Variants in DENND6B observed in about 807,000 individuals in gnomAD.
DENND6B encodes DENN domain containing 6B.
DENND6B carries 73 observed loss-of-function variants against 85.1 expected under a neutral mutation model. The ratio of observed to expected loss-of-function variants is 0.86; its 90% CI spans 0.71 to 1.04. DENND6B has a LOEUF of 1.04. DENND6B is among the 50% of genes least tolerant of loss of function. DENND6B has a pLI of 0.00. For missense variants in DENND6B, 715 were observed against 785.8 expected, an observed-to-expected ratio of 0.91 and a Z score of 1.08; for synonymous variants, 357 against 329.3, an observed-to-expected ratio of 1.08 and a Z score of -0.91.
At chr22:50,316,683 G>A (rs2041830875) in intron 5 of DENND6B, 1 of 1,488,194 alleles carries the variant, frequency 6.7e-7, no homozygotes, top group Non-Finnish European at 9.0e-7. Flanking sequence ...AACTCCCTGG[G>A]TGGCGGCCGG....
At chr22:50,316,711 G>A (rs1024800254) in intron 5 of DENND6B, 4 of 1,458,374 alleles carry the variant, frequency 2.7e-6, no homozygotes, top group African/African-American at 2.8e-5. Context: ...GGACCCTAGG[G>A]CCTTCGGAGG....
intron 1 of DENND6B, chr22:50,319,276 C>T (rs1374759075): frequency 3.0e-6 from 3 of 985,294 alleles, no homozygotes; most frequent in African/African-American, 1.7e-5. Flanking sequence ...TGACCCGCTC[C>T]TATCTCTGAC....
intron 2 of DENND6B, 38 bp from the exon 3 acceptor site, chr22:50,318,927 C>T: frequency 2.5e-6 from 4 of 1,610,592 alleles, no homozygotes; most frequent in Non-Finnish European, 3.4e-6. Flanking sequence ...CCGACCCACT[C>T]CTGGGTCCTG....
intron 1 of DENND6B, among the ~76,000 whole-genome samples, chr22:50,324,841 A>G (rs1022041558): frequency 7.2e-5 from 11 of 152,162 alleles, no homozygotes; most frequent in African/African-American, 1.7e-4. Flanking sequence ...TCTTCTCAGC[A>G]TCCAAGACTT....
At chr22:50,321,201 C>G (rs1422140540) in intron 1 of DENND6B, among the ~76,000 whole-genome samples, 1 of 152,092 alleles carries the variant, frequency 6.6e-6, no homozygotes, top group African/African-American at 2.4e-5. Context: ...ACCCTGGGAT[C>G]CCGGGGGTCA....
chr22:50,317,384 C>T lies in DENND6B; in HGVS notation c.373-11G>A. The T allele has an allele frequency of 2.5e-6, 4 of 1,612,658 alleles. No individual in the cohort carries two copies. The highest frequency in any genetic ancestry group is 2.5e-6 in the Non-Finnish European group (3 of 1,179,618). On this transcript the variant is annotated splice_polypyrimidine_tract_variant and intron_variant, in intron 4 of 19. Transcript: ENST00000413817. ...GTGTGCCGGCTCCCTCTGCAAGGAG[C>T]ATGGTGTTAGCCAGCCACGCCCCAC...
chr22:50,315,325 G>A (rs916762133), intron 9 of DENND6B, among the ~76,000 whole-genome samples: 1 of 152,190 alleles, frequency 6.6e-6, no homozygotes, highest in Non-Finnish European at 1.5e-5. Flanking sequence ...CAAAGCCCAG[G>A]CTCCCTTGCA....
intron 3 of DENND6B, 25 bp downstream of exon 3, chr22:50,318,821 GC>G (rs1569204920): frequency 6.2e-7 from 1 of 1,612,264 alleles, no homozygotes; most frequent in Non-Finnish European, 8.5e-7. Context: ...TTCATGTCCA[GC>G]CCCAGGAAAG....
At chr22:50,322,036 T>C (rs976888047) in intron 1 of DENND6B, among the ~76,000 whole-genome samples, 4 of 122,970 alleles carry the variant, frequency 3.3e-5, no homozygotes, top group East Asian at 2.5e-4. Flanking sequence ...TTGATAGATA[T>C]AACCAATATT....
At chr22:50,326,005 T>C (rs1327965432) in intron 1 of DENND6B, among the ~76,000 whole-genome samples, 1 of 152,246 alleles carries the variant, frequency 6.6e-6, no homozygotes, top group Non-Finnish European at 1.5e-5. Context: ...CGAGGTTCCT[T>C]GCGCCAGCGC....
At chr22:50,325,395 T>A (rs570536549) in intron 1 of DENND6B, among the ~76,000 whole-genome samples, 1 of 144,058 alleles carries the variant, frequency 6.9e-6, no homozygotes. Context: ...TGGAGCGCAA[T>A]GGTGCAATCT....
Position 50,311,804 on chromosome 22 carries a change from G to T in DENND6B, c.*335C>A, listed in dbSNP as rs1202742252. 4 of 372,504 alleles carry T rather than the reference G, an allele frequency of 1.1e-5. No homozygotes were observed. The highest frequency in any genetic ancestry group is 2.0e-5 in the Non-Finnish European group (4 of 198,910). 23.1% of individuals were successfully genotyped at this position (372,504 alleles called of 1,614,324 possible). A position where few individuals can be genotyped will look rare whatever the true frequency, so the allele number is the denominator to read the frequency against. ...AGCGCAGGGGGGTCGGGGGCCAACA[G>T]ATGGGCACCGGGAGGGGCAGACGGT... On this transcript the variant is annotated 3_prime_UTR_variant, in exon 20 of 20. Coordinates refer to ENST00000413817, the MANE Select transcript of DENND6B (RefSeq NM_001001794.4).
At chr22:50,321,729 C>A (rs749230731) in intron 1 of DENND6B, among the ~76,000 whole-genome samples, 1 of 151,988 alleles carries the variant, frequency 6.6e-6, no homozygotes, top group African/African-American at 2.4e-5. Flanking sequence ...TGCAGTGGTG[C>A]GAACACAGCT....
At chr22:50,320,064 C>T (rs947017274) in intron 1 of DENND6B, among the ~76,000 whole-genome samples, 1 of 152,188 alleles carries the variant, frequency 6.6e-6, no homozygotes, top group Admixed American at 6.5e-5. Flanking sequence ...TCCTGGGCTG[C>T]CTGAAGCCTG....
intron 1 of DENND6B, chr22:50,319,272 G>A (rs976651473): frequency 7.1e-6 from 7 of 985,124 alleles, no homozygotes; most frequent in African/African-American, 3.5e-5. Flanking sequence ...TTGCTGACCC[G>A]CTCCTATCTC....
rs371364338 is a variant in DENND6B at position 50,314,653 on chromosome 22, G to C, written c.929C>G (p.Thr310Ser). Residue 310 changes from threonine (T) to serine (S), a missense_variant, in exon 11 of 20, where the codon ACC (threonine) becomes AGC (serine). Coordinates refer to ENST00000413817, the MANE Select transcript of DENND6B (RefSeq NM_001001794.4). ...RFCCDFRPYF[T>S]IHDSEFKEFT... is the part of the protein sequence containing the mutation. The stretch of plus-strand genomic sequence containing the variant: ...CTCCTTGAACTCGCTGTCATGGATG[G>C]TGAAGTAGGGACGGAAGTCGCAGCA... The C allele has an allele frequency of 1.8e-5, 28 of 1,567,618 alleles. No homozygotes were observed. The highest frequency in any genetic ancestry group is 2.2e-5 in the Non-Finnish European group (26 of 1,156,776).
chr22:50,314,095 C>G lies in DENND6B; in HGVS notation c.1138+112G>C, dbSNP rs1396040150. On this transcript the variant is annotated intron_variant, in intron 13 of 19. Coordinates refer to ENST00000413817, the MANE Select transcript of DENND6B (RefSeq NM_001001794.4). ...AGGGTTCTGAGCTCTGCTGCTGAGT[C>G]CTGGAAGAGGATCAGGGGTCTGGGG... The G allele has an allele frequency of 1.4e-5, 19 of 1,375,290 alleles. No homozygotes were observed. In the East Asian group the frequency reaches 4.5e-4, roughly 32 times the overall value. 85.2% of individuals were successfully genotyped at this position (1,375,290 alleles called of 1,614,324 possible).
intron 12 of DENND6B, 58 bp downstream of exon 12, chr22:50,314,342 G>A (rs927761335): frequency 9.5e-6 from 15 of 1,581,700 alleles, no homozygotes; most frequent in Non-Finnish European, 1.2e-5. Context: ...CTCTGAGGCG[G>A]CCCCACACTC....
At chr22:50,316,504 C>T (rs2041823163) in intron 5 of DENND6B, 29 bp from the exon 6 acceptor site, 1 of 1,554,136 alleles carries the variant, frequency 6.4e-7, no homozygotes, top group African/African-American at 1.4e-5. Flanking sequence ...AGTTAGAGGC[C>T]CAGTGCCAGG....
Sources: allele counts gnomAD v4.1 joint callset (sites outside exome capture counted in the v4.1 genomes callset), GRCh38; gene constraint gnomAD v4.1.1; transcripts MANE v1.5; gene names NCBI Gene and HGNC (gene_info 2026-07-23, HGNC 2026-07-21).